Variants in RRP7A observed in about 807,000 individuals in gnomAD.
The protein encoded by RRP7A is ribosomal RNA processing 7 homolog A, also known as ribosomal RNA-processing protein 7 homolog A.
In RRP7A, 27 loss-of-function variants were observed where a neutral mutation model predicts 38.4. The ratio of observed to expected loss-of-function variants is 0.70; its 90% CI spans 0.52 to 0.97. The LOEUF (loss-of-function observed/expected upper bound fraction) is 0.97. RRP7A is among the 50% of genes least tolerant of loss of function. The pLI, the probability that RRP7A is intolerant of heterozygous loss-of-function variation, is 0.00. For synonymous variants in RRP7A, 124 were observed against 150.3 expected (o/e 0.83, Z 1.28); for missense variants, 327 against 375.4 (o/e 0.87, Z 1.07).
intron 3 of RRP7A, among the ~76,000 whole-genome samples, chr22:42,515,798 G>C (rs1306987190): frequency 2.6e-5 from 4 of 152,208 alleles, no homozygotes; most frequent in African/African-American, 7.2e-5. Context: ...CTTTAACACG[G>C]GACAGAAAAA....
rs1932353053 is a variant in RRP7A at position 42,508,876 on chromosome 22, T to C, written c.*4034A>G. ...CCACCAGGGGCTAAAGAGCCTTCGATGAGGCAGTGATGTGGGGTCCTGGGC... is the reference window on the plus strand; with the variant it reads ...CCACCAGGGGCTAAAGAGCCTTCGACGAGGCAGTGATGTGGGGTCCTGGGC... On this transcript the variant is annotated 3_prime_UTR_variant, in exon 7 of 7. Transcript: ENST00000323013. The C allele has an allele frequency of 3.3e-6, 3 of 920,262 alleles. No individual in the cohort carries two copies. Among genetic ancestry groups the C allele is most frequent in the Admixed American group, 2.4e-5 (1 of 42,104 alleles). 57.0% of individuals were successfully genotyped at this position (920,262 alleles called of 1,614,324 possible).
At chr22:42,516,494 G>C in intron 2 of RRP7A, 1 of 375,708 alleles carries the variant, frequency 2.7e-6, no homozygotes, top group Non-Finnish European at 5.2e-6. Context: ...TGTATTTTGA[G>C]AAGAGACAGG....
chr22:42,517,050 G>A (rs1350246411), intron 2 of RRP7A, among the ~76,000 whole-genome samples: 1 of 152,104 alleles, frequency 6.6e-6, no homozygotes, highest in African/African-American at 2.4e-5. Flanking sequence ...GGCTGAAGGG[G>A]GCGGATTACT....
In RRP7A at chr22:42,517,930, C is replaced by A. The variant is rs1920935178; in HGVS notation, c.216+75G>T. ...CCCATTAGCTGTGTCCGTCTCACCA[C>A]CAAGGACTTGGTGGAGGCCATGGGA... is the stretch of plus-strand genomic sequence containing the variant. On this transcript the variant is annotated intron_variant, in intron 2 of 6. Transcript: ENST00000323013. 15 of 1,541,834 alleles carry A rather than the reference C, an allele frequency of 9.7e-6. 1 individual carries two copies. The highest frequency in any genetic ancestry group is 1.2e-5 in the Non-Finnish European group (14 of 1,131,932).
At chr22:42,513,040 CG>C (rs776104628) in intron 6 of RRP7A, 45 bp from the exon 7 acceptor site, 1 of 1,547,964 alleles carries the variant, frequency 6.5e-7, no homozygotes. Flanking sequence ...CAGCGCGCCC[CG>C]GGGAAGCTGG....
rs1932354268 is a variant in RRP7A at position 42,508,913 on chromosome 22, G to A, written c.*3997C>T. 5.6e-6 allele frequency: 8 copies of A among 1,438,470 alleles called. No individual in the cohort carries two copies. The East Asian group carries it at 1.2e-4, about 21-fold the overall frequency. The allele number at this position is 1,438,470 out of a possible 1,614,324, so 89.1% of individuals were successfully genotyped here. On this transcript the variant is annotated 3_prime_UTR_variant, in exon 7 of 7. Coordinates refer to ENST00000323013, the MANE Select transcript of RRP7A (RefSeq NM_015703.5). ...GTGGGGTCCTGGGCTCAGACCCAGG[G>A]TGGGTGGCTAAGGTGCCCTCGCCAG...
In RRP7A at chr22:42,514,127, G is replaced by A; in HGVS notation, c.736C>T (p.His246Tyr). The change falls in exon 6 of 7, where the codon CAT becomes TAT. Residue 246 changes from histidine to tyrosine, a missense_variant. Physicochemically the swap from His to Tyr is moderately conservative, Grantham distance 83. Transcript: ENST00000323013. Reference protein sequence around the residue: ...KELLNFYAWQHRESKMEHLAQ... With the variant: ...KELLNFYAWQYRESKMEHLAQ... ...TTACGCTCCATCTTGCTCTCTCGAT[G>A]CTGCCAGGCGTAGAAGTTGAGCAGC... 1 of 1,613,202 alleles carries A rather than the reference G, an allele frequency of 6.2e-7. No homozygotes were observed. The highest frequency in any genetic ancestry group is 8.5e-7 in the Non-Finnish European group (1 of 1,179,770).
intron 1 of RRP7A, among the ~76,000 whole-genome samples, 155 bp downstream of exon 1, chr22:42,519,559 C>G (rs1427925936): frequency 1.3e-5 from 2 of 152,132 alleles, no homozygotes; most frequent in Non-Finnish European, 2.9e-5. Context: ...CTCGGGACCC[C>G]GGAGCCTCAA....
Position 42,516,072 on chromosome 22 carries a change from G to A in RRP7A, c.281C>T (p.Pro94Leu), listed in dbSNP as rs149988472. The change falls in exon 3 of 7, where the codon CCG becomes CTG. Residue 94 changes from proline to leucine, a missense_variant. Physicochemically the swap from Pro to Leu is moderately conservative, Grantham distance 98. Around this residue, in one of 5 missense-constraint regions of RRP7A, gnomAD observed 183 missense variants for 141.8 expected, o/e 1.29. Transcript: ENST00000323013. ...CTCCTTTGGGCTCTCAGCCAGGTCCGGCTTCTCCTGCAACTCTACAGACTG... is the reference window on the plus strand; with the variant it reads ...CTCCTTTGGGCTCTCAGCCAGGTCCAGCTTCTCCTGCAACTCTACAGACTG... Reference protein sequence around the residue: ...LVQSVELQEKPDLAESPKESR... With the variant: ...LVQSVELQEKLDLAESPKESR... 57 of 1,613,262 alleles carry A rather than the reference G, an allele frequency of 3.5e-5. No individual in the cohort carries two copies. The highest frequency in any genetic ancestry group is 1.6e-4 in the Middle Eastern group (1 of 6,082).
At position 42,511,818 on chromosome 22, in the gene RRP7A, C is replaced by T. The variant is rs1363500989; in HGVS notation, c.*1092G>A. 2.7e-6 allele frequency: 1 copy of T among 371,572 alleles called. No homozygotes were observed. The highest frequency in any genetic ancestry group is 5.0e-6 in the Non-Finnish European group (1 of 198,752). The allele number at this position is 371,572 out of a possible 1,614,324, so 23.0% of individuals were successfully genotyped here. A position where few individuals can be genotyped will look rare whatever the true frequency, so the allele number is the denominator to read the frequency against. On this transcript the variant is annotated 3_prime_UTR_variant, in exon 7 of 7. Coordinates refer to ENST00000323013, the MANE Select transcript of RRP7A (RefSeq NM_015703.5). ...ATCTCATTATCTTTTCTCACGAGGA[C>T]TACTTCGGATACAATCACAGCAACC...
In RRP7A at chr22:42,509,758, A is replaced by T. The variant is rs1932386732; in HGVS notation, c.*3152T>A. On this transcript the variant is annotated 3_prime_UTR_variant, in exon 7 of 7. Coordinates refer to ENST00000323013, the MANE Select transcript of RRP7A (RefSeq NM_015703.5). ...AACCGTCTACGTGTTGTATGGCTGC[A>T]TTCACGTTCAAGTCCAAATAGGACA... 7.0e-6 allele frequency among the ~76,000 whole-genome samples: 1 copy of T among 143,160 alleles called. No individual in the cohort carries two copies. Among genetic ancestry groups the T allele is most frequent in the East Asian group, 2.0e-4 (1 of 4,984 alleles). 93.9% of individuals were successfully genotyped at this position (143,160 alleles called of 152,430 possible).
intron 2 of RRP7A, 200 bp from the exon 3 acceptor site, chr22:42,516,336 C>CT (rs11377171): frequency 0.15 from 77,368 of 526,736 alleles, 2,103 homozygotes; most frequent in East Asian, 0.53. Context: ...TATTCCTGCT[C>CT]TTTTTTTTTT....
Position 42,512,880 on chromosome 22 carries a change from C to T in RRP7A, c.*30G>A, listed in dbSNP as rs1932512066. The T allele has an allele frequency of 5.6e-6, 9 of 1,606,578 alleles. No homozygotes were observed. The highest frequency in any genetic ancestry group is 1.3e-5 in the African/African-American group (1 of 74,826). On this transcript the variant is annotated 3_prime_UTR_variant, in exon 7 of 7. Coordinates refer to ENST00000323013, the MANE Select transcript of RRP7A (RefSeq NM_015703.5). The stretch of plus-strand genomic sequence containing the variant: ...TGCCTCGCCTCCTCCTGGCCCTGCA[C>T]CTCCAGCCATTCACTGCGGCTCTCA...
At chr22:42,516,628 A>T (rs115549582) in intron 2 of RRP7A, among the ~76,000 whole-genome samples, 1,673 of 152,298 alleles carry the variant, frequency 0.011, 27 homozygotes, top group African/African-American at 0.038. Flanking sequence ...CTGCTCTCTC[A>T]CTGGAGACAG....
intron 1 of RRP7A, 37 bp from the exon 2 acceptor site, chr22:42,518,184 A>C (rs1920936370): frequency 6.4e-7 from 1 of 1,571,518 alleles, no homozygotes; most frequent in Non-Finnish European, 8.7e-7. Context: ...TGGCCAGGCT[A>C]CCCTGAGCTG....
chr22:42,510,485 C>T lies in RRP7A; in HGVS notation c.*2425G>A, dbSNP rs1042075123. 1.7e-5 allele frequency: 6 copies of T among 353,128 alleles called. No homozygotes were observed. In the Admixed American group the frequency reaches 1.9e-4, roughly 11 times the overall value. The allele number at this position is 353,128 out of a possible 1,614,324, so 21.9% of individuals were successfully genotyped here. ...AGATTAACTGAGCCTCAAATCCAACCCAGGGTCAAGGGACCCAGCTGTGGG... is the reference window on the plus strand; with the variant it reads ...AGATTAACTGAGCCTCAAATCCAACTCAGGGTCAAGGGACCCAGCTGTGGG... On this transcript the variant is annotated 3_prime_UTR_variant, in exon 7 of 7. Transcript: ENST00000323013.
At chr22:42,515,955 TG>T (rs1236613790) in intron 3 of RRP7A, 55 bp downstream of exon 3, 3 of 1,536,424 alleles carry the variant, frequency 2.0e-6, no homozygotes, top group East Asian at 4.6e-5. Flanking sequence ...CCCAACACAC[TG>T]GGGACAGTGC....
At position 42,512,255 on chromosome 22, in the gene RRP7A, T is replaced by C; in HGVS notation, c.*655A>G. On this transcript the variant is annotated 3_prime_UTR_variant, in exon 7 of 7. Transcript: ENST00000323013. Reference sequence around the variant, plus strand: ...AGCTGTAGCTCTGGGCCTGGAACTATGAAGACCTAGTGCTCCCAGACTCAA... The same window carrying C: ...AGCTGTAGCTCTGGGCCTGGAACTACGAAGACCTAGTGCTCCCAGACTCAA... 1 of 1,609,780 alleles carries C rather than the reference T, an allele frequency of 6.2e-7. No individual in the cohort carries two copies. The highest frequency in any genetic ancestry group is 1.7e-5 in the Admixed American group (1 of 59,618).
intron 2 of RRP7A, chr22:42,516,537 T>G: frequency 8.4e-6 from 3 of 356,734 alleles, no homozygotes; most frequent in South Asian, 6.3e-5. Flanking sequence ...GGTCTTGAAC[T>G]CCTGACCTCA....
Sources: gnomAD v4.1 joint callset for allele counts (sites outside exome capture counted in the v4.1 genomes callset) on GRCh38, gnomAD v4.1.1 for gene constraint, gnomAD v4.1.1 regional missense constraint, MANE v1.5 for transcripts, NCBI Gene and HGNC (gene_info 2026-07-23, HGNC 2026-07-21) for gene names.